The following C1GALT1 variants were observed in gnomAD, a reference collection of about 807,000 sequenced individuals.
The protein encoded by C1GALT1 is glycoprotein-N-acetylgalactosamine 3-beta-galactosyltransferase 1.
Under a neutral mutation model 31.0 loss-of-function variants are expected in C1GALT1, and 11 were observed. That is an observed-to-expected ratio of 0.36 (90% CI 0.22 to 0.59). The LOEUF is 0.59. Ranked by LOEUF, C1GALT1 falls within the 20% of genes least tolerant of loss-of-function variation. The pLI, the probability that C1GALT1 is intolerant of heterozygous loss-of-function variation, is 0.79. For synonymous variants in C1GALT1, 175 were observed against 143.6 expected (o/e 1.22, Z -1.56); for missense variants, 424 against 425.2 (o/e 1.00, Z 0.03).
At chr7:7,183,305 G>C (rs1360314417) in intron 1 of C1GALT1, among the ~76,000 whole-genome samples, 1 of 152,092 alleles carries the variant, frequency 6.6e-6, no homozygotes, top group East Asian at 1.9e-4. Flanking sequence ...TCGCCGGGGA[G>C]CCACTCGGCT....
chr7:7,183,016 G>A (rs1425767508), intron 1 of C1GALT1, among the ~76,000 whole-genome samples, 196 bp downstream of exon 1: 1 of 152,130 alleles, frequency 6.6e-6, no homozygotes, highest in Non-Finnish European at 1.5e-5. Context: ...CCCGCTCCCG[G>A]AGCCTTAGCG....
At chr7:7,194,761 C>T (rs1781216305) in intron 1 of C1GALT1, among the ~76,000 whole-genome samples, 1 of 152,042 alleles carries the variant, frequency 6.6e-6, no homozygotes, top group Non-Finnish European at 1.5e-5. Context: ...ATCAGTTCTT[C>T]TTTGAATATT....
At chr7:7,196,910 TG>T (rs1199522308) in intron 1 of C1GALT1, among the ~76,000 whole-genome samples, 2 of 152,242 alleles carry the variant, frequency 1.3e-5, no homozygotes, top group Admixed American at 6.5e-5. Context: ...TTGATGGGGT[TG>T]TTTGATTTTT....
chr7:7,233,023 TTTAA>T (rs1490255415), intron 1 of C1GALT1, among the ~76,000 whole-genome samples: 2 of 152,220 alleles, frequency 1.3e-5, no homozygotes, highest in Non-Finnish European at 2.9e-5. Flanking sequence ...AACTTATTTT[TTTAA>T]TTATCTTGAG....
chr7:7,186,922 A>G (rs4724958), intron 1 of C1GALT1, among the ~76,000 whole-genome samples: 69,028 of 152,036 alleles, frequency 0.45, 16,762 homozygotes, highest in East Asian at 0.79. Context: ...TTGGCTCTCT[A>G]AGATTAGGAA....
chr7:7,212,903 G>C (rs549988964), intron 1 of C1GALT1, among the ~76,000 whole-genome samples: 17 of 152,156 alleles, frequency 1.1e-4, no homozygotes, highest in Admixed American at 2.6e-4. Flanking sequence ...CCATGGTGCA[G>C]CCAGCTCAGA....
chr7:7,210,968 C>T (rs529392762), intron 1 of C1GALT1, among the ~76,000 whole-genome samples: 5 of 152,290 alleles, frequency 3.3e-5, no homozygotes, highest in East Asian at 3.9e-4. Flanking sequence ...ACAACATTCC[C>T]GCCTGTGGAG....
At chr7:7,230,622 CTT>C (rs57276821) in intron 1 of C1GALT1, among the ~76,000 whole-genome samples, 42,587 of 121,018 alleles carry the variant, frequency 0.35, 7,286 homozygotes, top group East Asian at 0.52. Flanking sequence ...TCTATATTCC[CTT>C]TTTTTTTTTT....
At chr7:7,179,459 T>G (rs1364087838), upstream of C1GALT1, among the ~76,000 whole-genome samples, 1 of 152,202 alleles carries the variant, frequency 6.6e-6, no homozygotes, top group Non-Finnish European at 1.5e-5. Flanking sequence ...TGTAGGTATT[T>G]AAAGGGAAAC....
At chr7:7,187,852 A>G (rs570672741) in intron 1 of C1GALT1, among the ~76,000 whole-genome samples, 2 of 152,330 alleles carry the variant, frequency 1.3e-5, no homozygotes, top group Admixed American at 6.5e-5. Flanking sequence ...GCAAAAGACG[A>G]GGCTGGAAAC....
intron 1 of C1GALT1, among the ~76,000 whole-genome samples, chr7:7,226,628 G>T (rs765052224): frequency 6.6e-6 from 1 of 152,130 alleles, no homozygotes; most frequent in East Asian, 1.9e-4. Context: ...GAAAGTTTGT[G>T]CAATAGCAGA....
intron 1 of C1GALT1, among the ~76,000 whole-genome samples, chr7:7,204,383 C>G (rs1294163229): frequency 6.6e-6 from 1 of 151,848 alleles, no homozygotes; most frequent in African/African-American, 2.4e-5. Context: ...CTCTTATCAT[C>G]CTTTGTATTT....
chr7:7,212,399 A>G (rs904810071), intron 1 of C1GALT1, among the ~76,000 whole-genome samples: 63 of 152,298 alleles, frequency 4.1e-4, no homozygotes, highest in African/African-American at 1.3e-3. Flanking sequence ...AGTTTTTCCA[A>G]TTGTGTCCTG....
intron 1 of C1GALT1, chr7:7,183,499 A>C: frequency 1.3e-6 from 1 of 780,782 alleles, no homozygotes; most frequent in Non-Finnish European, 1.6e-6. Flanking sequence ...GAAAGGCATT[A>C]AATTTTTTTT....
chr7:7,211,886 A>G (rs528045683), intron 1 of C1GALT1, among the ~76,000 whole-genome samples: 230 of 152,332 alleles, frequency 1.5e-3, no homozygotes, highest in African/African-American at 5.2e-3. Flanking sequence ...AATGTAGGCA[A>G]AAAGCTTAAA....
chr7:7,234,593 T>G, intron 2 of C1GALT1, 54 bp downstream of exon 2: 1 of 1,346,388 alleles, frequency 7.4e-7, no homozygotes, highest in Non-Finnish European at 1.0e-6. Context: ...GTCTAAATTT[T>G]GTCATATTCC....
chr7:7,193,638 A>T (rs1225362408), intron 1 of C1GALT1, among the ~76,000 whole-genome samples: 2 of 151,618 alleles, frequency 1.3e-5, no homozygotes, highest in East Asian at 3.9e-4. Context: ...GTTTTTGCTG[A>T]GTCTTGATTT....
intron 1 of C1GALT1, among the ~76,000 whole-genome samples, chr7:7,228,363 T>C (rs1373459329): frequency 6.6e-6 from 1 of 152,202 alleles, no homozygotes; most frequent in Non-Finnish European, 1.5e-5. Context: ...ATCTGTACTT[T>C]TAAAATATCC....
At chr7:7,223,066 C>T (rs932335122) in intron 1 of C1GALT1, among the ~76,000 whole-genome samples, 4 of 152,218 alleles carry the variant, frequency 2.6e-5, no homozygotes, top group African/African-American at 4.8e-5. Flanking sequence ...GCCATTTTTG[C>T]CTAACCATAA....
Sources: gnomAD v4.1 joint callset for allele counts (sites outside exome capture counted in the v4.1 genomes callset) on GRCh38, gnomAD v4.1.1 for gene constraint, MANE v1.5 for transcripts, NCBI Gene and HGNC (gene_info 2026-07-23, HGNC 2026-07-21) for gene names.